BCL7A: variants seen among roughly 807,000 people sequenced by gnomAD.
The protein encoded by BCL7A is B-cell CLL/lymphoma 7 protein family member A.
In BCL7A, 11 loss-of-function variants were observed where a neutral mutation model predicts 28.4. That is an observed-to-expected ratio of 0.39 (90% CI 0.24 to 0.64). The LOEUF (loss-of-function observed/expected upper bound fraction) is 0.64, where lower values mean the gene tolerates loss of function less well. BCL7A is among the 30% of genes least tolerant of loss of function. BCL7A has a pLI of 0.50. For missense variants in BCL7A, 222 were observed against 274.8 expected (o/e 0.81, Z 1.36); for synonymous variants, 123 against 103.3 (o/e 1.19, Z -1.15).
chr12:122,026,194 G>A (rs1405003330), intron 1 of BCL7A, among the ~76,000 whole-genome samples: 4 of 149,588 alleles, frequency 2.7e-5, no homozygotes, highest in African/African-American at 9.9e-5. Context: ...ATGAACCCAC[G>A]AGGCAGAGCT....
intron 2 of BCL7A, among the ~76,000 whole-genome samples, chr12:122,031,145 G>A (rs913667793): frequency 1.3e-5 from 2 of 152,096 alleles, no homozygotes; most frequent in Non-Finnish European, 2.9e-5. Flanking sequence ...TCCAGCCTCA[G>A]CCTCCCGAGT....
At chr12:122,028,784 AAGT>A (rs1364498559) in intron 1 of BCL7A, among the ~76,000 whole-genome samples, 1 of 148,666 alleles carries the variant, frequency 6.7e-6, no homozygotes, top group Non-Finnish European at 1.5e-5. Flanking sequence ...GAGGGTGTGT[AAGT>A]AGAGTGCTTG....
At chr12:122,038,239 C>T (rs574957653) in intron 3 of BCL7A, among the ~76,000 whole-genome samples, 1 of 151,504 alleles carries the variant, frequency 6.6e-6, no homozygotes, top group African/African-American at 2.4e-5. Context: ...CAAGACCAGC[C>T]TGGCCAACAT....
At chr12:122,024,123 G>A (rs914325109) in intron 1 of BCL7A, among the ~76,000 whole-genome samples, 4 of 152,222 alleles carry the variant, frequency 2.6e-5, no homozygotes, top group Non-Finnish European at 5.9e-5. Flanking sequence ...CTGACCCCGC[G>A]GGGACCAGGC....
At chr12:122,051,086 G>A (rs1023978019) in intron 4 of BCL7A, among the ~76,000 whole-genome samples, 9 of 152,212 alleles carry the variant, frequency 5.9e-5, no homozygotes, top group East Asian at 3.9e-4. Context: ...CTAGAAGCCC[G>A]ATTTGAGCTC....
intron 4 of BCL7A, 106 bp from the exon 5 acceptor site, chr12:122,054,699 A>G (rs903341024): frequency 3.5e-6 from 4 of 1,155,026 alleles, no homozygotes; most frequent in Non-Finnish European, 4.9e-6. Context: ...TTCAAAGACC[A>G]CTGGCCCCAA....
rs1884277025 is a variant in BCL7A, at chr12:122,054,873, C to T, written c.508C>T (p.Arg170Trp). 2 of 1,614,204 alleles carry T rather than the reference C, an allele frequency of 1.2e-6. No individual in the cohort carries two copies. Among genetic ancestry groups the T allele is most frequent in the Non-Finnish European group, 1.7e-6 (2 of 1,180,038 alleles). The change falls in exon 5 of 6, where the codon CGG (arginine) becomes TGG (tryptophan). Residue 170 changes from arginine (R) to tryptophan (W), a missense_variant. By Grantham distance (101) the Arg-to-Trp change is moderately radical. Transcript: ENST00000261822. ...HSMNSSEKVD[R>W]QPSGDSGLAA... is the part of the protein sequence containing the mutation. Reference sequence around the variant, plus strand: ...GATGAACAGCTCAGAGAAAGTAGATCGGCAGCCGTCTGGAGACTCGGGTCT... The same window carrying T: ...GATGAACAGCTCAGAGAAAGTAGATTGGCAGCCGTCTGGAGACTCGGGTCT...
chr12:122,024,963 T>G (rs1883583220), intron 1 of BCL7A, among the ~76,000 whole-genome samples: 1 of 124,094 alleles, frequency 8.1e-6, no homozygotes, highest in Non-Finnish European at 1.7e-5. Context: ...CCCCTGATGC[T>G]TCCCCCACCC....
intron 3 of BCL7A, among the ~76,000 whole-genome samples, chr12:122,042,307 A>G (rs1359711761): frequency 6.6e-6 from 1 of 152,042 alleles, no homozygotes; most frequent in Non-Finnish European, 1.5e-5. Context: ...TGTCTCATCT[A>G]TTTTTTCAAT....
At chr12:122,024,373 C>T (rs2135836136) in intron 1 of BCL7A, among the ~76,000 whole-genome samples, 2 of 152,184 alleles carry the variant, frequency 1.3e-5, no homozygotes, top group East Asian at 1.9e-4. Context: ...CCTCCGAGAG[C>T]ACCGCGCCCT....
At position 122,046,144 on chromosome 12, in the gene BCL7A, G is replaced by A. The variant is rs142485142; in HGVS notation, c.439+2091G>A. The stretch of plus-strand genomic sequence containing the variant: ...CATCTAAGAAAATGAGCAGCATTCC[G>A]GATGGTCTAACATGGAGGTATATTT... On this transcript the variant is annotated intron_variant, in intron 4 of 5. Transcript: ENST00000261822. Among the ~76,000 whole-genome samples the A allele has an allele frequency of 4.6e-5, 7 of 151,328 alleles. No homozygotes were observed. In the East Asian group the frequency reaches 9.7e-4, roughly 21 times the overall value.
At chr12:122,051,919 G>A (rs1884200166) in intron 4 of BCL7A, among the ~76,000 whole-genome samples, 1 of 129,198 alleles carries the variant, frequency 7.7e-6, no homozygotes, top group Admixed American at 9.3e-5. Context: ...TGTCACCCAG[G>A]CTGGAGTGCA....
At chr12:122,051,928 C>T (rs2135858264) in intron 4 of BCL7A, among the ~76,000 whole-genome samples, 1 of 117,440 alleles carries the variant, frequency 8.5e-6, no homozygotes, top group East Asian at 2.8e-4. Flanking sequence ...GGCTGGAGTG[C>T]AGTGGTGCGA....
At chr12:122,047,550 G>A (rs1316935611) in intron 4 of BCL7A, among the ~76,000 whole-genome samples, 1 of 151,686 alleles carries the variant, frequency 6.6e-6, no homozygotes, top group African/African-American at 2.4e-5. Context: ...AAAAAGAAAT[G>A]GGATCTCACT....
At position 122,061,505 on chromosome 12, in the gene BCL7A, A is replaced by C. The variant is rs1223864708; in HGVS notation, c.*2342A>C. On this transcript the variant is annotated 3_prime_UTR_variant, in exon 6 of 6. Transcript: ENST00000261822. ...TTCCACGCAGAATGACAAGACTGCAAAAATCCGATGTGCTTCCTTCCCTGG... is the reference window on the plus strand; with the variant it reads ...TTCCACGCAGAATGACAAGACTGCACAAATCCGATGTGCTTCCTTCCCTGG... 1 of 232,474 alleles carries C rather than the reference A, an allele frequency of 4.3e-6. No individual in the cohort carries two copies. The highest frequency in any genetic ancestry group is 8.5e-6 in the Non-Finnish European group (1 of 117,678). 14.4% of individuals were successfully genotyped at this position (232,474 alleles called of 1,614,324 possible). A position where few individuals can be genotyped will look rare whatever the true frequency, so the allele number is the denominator to read the frequency against.
At chr12:122,033,175 G>A (rs1883778444) in intron 2 of BCL7A, among the ~76,000 whole-genome samples, 1 of 147,922 alleles carries the variant, frequency 6.8e-6, no homozygotes, top group Admixed American at 6.8e-5. Flanking sequence ...GGTCTCTGTT[G>A]CCCAGTCTGG....
intron 1 of BCL7A, among the ~76,000 whole-genome samples, chr12:122,023,343 A>T (rs2135834425): frequency 6.6e-6 from 1 of 152,040 alleles, no homozygotes; most frequent in East Asian, 1.9e-4. Flanking sequence ...TCGACCCTTT[A>T]TTTCGAGCCT....
At chr12:122,034,685 T>C (rs1883814306) in intron 2 of BCL7A, among the ~76,000 whole-genome samples, 1 of 149,432 alleles carries the variant, frequency 6.7e-6, no homozygotes, top group Admixed American at 6.8e-5. Context: ...GAGCTTGCAG[T>C]GAGCCATGAT....
At chr12:122,035,191 C>A in intron 2 of BCL7A, 140 bp from the exon 3 acceptor site, 2 of 692,700 alleles carry the variant, frequency 2.9e-6, no homozygotes, top group Non-Finnish European at 4.9e-6. Flanking sequence ...AAATGTGGGC[C>A]CAGGAAAACC....
Sources: allele counts gnomAD v4.1 joint callset (sites outside exome capture counted in the v4.1 genomes callset), GRCh38; gene constraint gnomAD v4.1.1; transcripts MANE v1.5; gene names NCBI Gene and HGNC (gene_info 2026-07-23, HGNC 2026-07-21).